PPIL6: variants seen among roughly 807,000 people sequenced by gnomAD.
The protein encoded by PPIL6 is peptidylprolyl isomerase like 6.
In PPIL6, 39 loss-of-function variants were observed where a neutral mutation model predicts 36.8. The observed-to-expected ratio is 1.06, with a 90% CI of 0.82 to 1.38. The LOEUF (loss-of-function observed/expected upper bound fraction) is 1.38, where lower values mean the gene tolerates loss of function less well. Among genes scored for constraint, PPIL6 ranks in the 40% most tolerant of loss-of-function variants. PPIL6 has a pLI of 0.00. For synonymous variants in PPIL6, 123 were observed against 134.1 expected (o/e 0.92, Z 0.57); for missense variants, 368 against 379.1 (o/e 0.97, Z 0.24).
At position 109,392,783 on chromosome 6, in the gene PPIL6, G is replaced by C; in HGVS notation, c.*43C>G. 8.7e-7 allele frequency: 1 copy of C among 1,143,260 alleles called. No individual in the cohort carries two copies. The highest frequency in any genetic ancestry group is 1.3e-6 in the Non-Finnish European group (1 of 777,936). The allele number at this position is 1,143,260 out of a possible 1,614,324, so 70.8% of individuals were successfully genotyped here. The stretch of plus-strand genomic sequence containing the variant: ...AATTAAATCCACAAACAGCTGATCA[G>C]ATACAAAGTAATAAATTATCACAGA... On this transcript the variant is annotated 3_prime_UTR_variant, in exon 8 of 8. Transcript: ENST00000521072.
At chr6:109,433,684 CAG>C (rs1166540743) in intron 2 of PPIL6, among the ~76,000 whole-genome samples, 1 of 152,102 alleles carries the variant, frequency 6.6e-6, no homozygotes, top group African/African-American at 2.4e-5. Context: ...CTAGTGAGTT[CAG>C]AGAGACCAAA....
At chr6:109,398,865 G>A (rs1222788647) in intron 7 of PPIL6, among the ~76,000 whole-genome samples, 1 of 152,154 alleles carries the variant, frequency 6.6e-6, no homozygotes, top group Non-Finnish European at 1.5e-5. Flanking sequence ...CTGAAGATTT[G>A]ATAGATGGAT....
At chr6:109,434,576 T>G (rs1774343424) in intron 2 of PPIL6, among the ~76,000 whole-genome samples, 1 of 152,210 alleles carries the variant, frequency 6.6e-6, no homozygotes, top group Non-Finnish European at 1.5e-5. Context: ...TATTCAGTCT[T>G]GCACCATTCA....
chr6:109,420,040 T>C (rs1773459235), intron 5 of PPIL6, among the ~76,000 whole-genome samples: 1 of 151,796 alleles, frequency 6.6e-6, no homozygotes, highest in South Asian at 2.1e-4. Context: ...TTTTAGAATA[T>C]GTATAAAAAA....
rs561122557 is a variant in PPIL6 at position 109,420,044 on chromosome 6, T to TA, written c.632-802dup. On this transcript the variant is annotated intron_variant, in intron 5 of 7. Coordinates refer to ENST00000521072, the MANE Select transcript of PPIL6 (RefSeq NM_173672.5). ...AAGTAAGTTATTTTTAGAATATGTA[T>TA]AAAAAATAGAGCCAGGCGCGGTGAC... 2.7e-3 allele frequency among the ~76,000 whole-genome samples: 409 copies of TA among 151,812 alleles called. 1 individual carries two copies. The highest frequency in any genetic ancestry group is 9.5e-3 in the African/African-American group (393 of 41,438).
chr6:109,414,477 C>CTTT (rs146541023), intron 6 of PPIL6, among the ~76,000 whole-genome samples: 160 of 86,536 alleles, frequency 1.8e-3, no homozygotes, highest in Non-Finnish European at 2.5e-3. Context: ...TGTCTTTTAG[C>CTTT]TTTTTTTTTT....
intron 2 of PPIL6, among the ~76,000 whole-genome samples, chr6:109,433,337 G>A (rs936203551): frequency 6.6e-6 from 1 of 152,226 alleles, no homozygotes; most frequent in Non-Finnish European, 1.5e-5. Context: ...GATTACAGGC[G>A]TGAGCCACCA....
rs1774780479 is a variant in PPIL6 at position 109,440,488 on chromosome 6, G to C, written c.103C>G (p.Pro35Ala). ...GCGCTCTTCGCAATCTGAAAGTTGG[G>C]GCAGCTGAAGAGCCCCACCACCTTC... ...QVKVVGLFSC[P>A]NFQIAKSAAE... Residue 35 changes from proline to alanine, a missense_variant, in exon 1 of 8, where the codon CCC becomes GCC. Transcript: ENST00000521072. 6.5e-7 allele frequency: 1 copy of C among 1,539,370 alleles called. No homozygotes were observed. The highest frequency in any genetic ancestry group is 8.8e-7 in the Non-Finnish European group (1 of 1,142,296).
chr6:109,416,369 A>C (rs566006675), intron 6 of PPIL6, among the ~76,000 whole-genome samples: 1 of 151,894 alleles, frequency 6.6e-6, no homozygotes, highest in Admixed American at 6.5e-5. Flanking sequence ...CTCCCAGCTA[A>C]ATTTTATATT....
Position 109,424,488 on chromosome 6 carries a change from A to T in PPIL6, c.631+2359T>A, listed in dbSNP as rs151270815. On this transcript the variant is annotated intron_variant, in intron 5 of 7. Transcript: ENST00000521072. ...TAAGGCACAGCACAAAACCACGTTTAGCTCCTGTCCTCCAAAATTCTACAT... is the reference window on the plus strand; with the variant it reads ...TAAGGCACAGCACAAAACCACGTTTTGCTCCTGTCCTCCAAAATTCTACAT... Among the ~76,000 whole-genome samples the T allele has an allele frequency of 1.5e-4, 23 of 152,336 alleles. No individual in the cohort carries two copies. The East Asian group carries it at 1.5e-3, about 10-fold the overall frequency.
intron 5 of PPIL6, among the ~76,000 whole-genome samples, chr6:109,421,561 C>A (rs1027591870): frequency 2.0e-5 from 3 of 151,606 alleles, no homozygotes; most frequent in Admixed American, 6.5e-5. Flanking sequence ...TCATTATCAT[C>A]ATCTTCATCA....
At chr6:109,440,417 G>T (rs770952540) in intron 1 of PPIL6, 39 bp downstream of exon 1, 3 of 1,532,160 alleles carry the variant, frequency 2.0e-6, no homozygotes, top group Middle Eastern at 1.7e-4. Context: ...AGCGGGTAGC[G>T]GGGAGGGCCG....
At chr6:109,416,867 A>ACAAAAAAG (rs957776635) in intron 6 of PPIL6, among the ~76,000 whole-genome samples, 15 of 152,168 alleles carry the variant, frequency 9.9e-5, no homozygotes, top group Non-Finnish European at 1.3e-4. Flanking sequence ...TCAATACAAG[A>ACAAAAAAG]CAAAAAAGGT....
intron 7 of PPIL6, among the ~76,000 whole-genome samples, chr6:109,396,697 C>G (rs1336951837): frequency 6.6e-6 from 1 of 152,036 alleles, no homozygotes; most frequent in Non-Finnish European, 1.5e-5. Flanking sequence ...CCCCAAACCC[C>G]TTCTACAATG....
intron 5 of PPIL6, among the ~76,000 whole-genome samples, 173 bp from the exon 6 acceptor site, chr6:109,419,416 AT>A (rs893043271): frequency 1.3e-5 from 2 of 150,846 alleles, no homozygotes; most frequent in African/African-American, 2.5e-5. Context: ...CTCCATCTCG[AT>A]TAAAAAAAAA....
chr6:109,409,433 A>G (rs1025143681), intron 6 of PPIL6, among the ~76,000 whole-genome samples: 2 of 152,072 alleles, frequency 1.3e-5, no homozygotes, highest in Admixed American at 6.5e-5. Context: ...GCAGGGCGGC[A>G]GGTGCCTGTA....
chr6:109,421,703 T>C (rs1773547409), intron 5 of PPIL6, among the ~76,000 whole-genome samples: 1 of 152,172 alleles, frequency 6.6e-6, no homozygotes, highest in South Asian at 2.1e-4. Context: ...TCTAGTTCTA[T>C]TTGATAACAT....
rs1273416813 is a variant in PPIL6 at position 109,400,035 on chromosome 6, C to T, written c.824G>A (p.Gly275Glu). The change falls in exon 7 of 8, where the codon GGG becomes GAG. Residue 275 changes from glycine (G) to glutamate (E), a missense_variant and splice_region_variant. Gly to Glu is a moderately conservative substitution (Grantham distance 98). Coordinates refer to ENST00000521072, the MANE Select transcript of PPIL6 (RefSeq NM_173672.5). ...PYLDRKFVAF[G>E]QLIEGTEVLK... ...ATAAATAGATCTACAATATACATAC[C>T]CAAAAGCCACAAATTTTCTATCTAG... 6.2e-7 allele frequency: 1 copy of T among 1,608,880 alleles called. No individual in the cohort carries two copies. The highest frequency in any genetic ancestry group is 8.5e-7 in the Non-Finnish European group (1 of 1,176,598).
rs1360967139 is a variant in PPIL6 at position 109,413,855 on chromosome 6, C to G, written c.688+5332G>C. Among the ~76,000 whole-genome samples, 1 of 151,996 alleles carries G rather than the reference C, an allele frequency of 6.6e-6. No individual in the cohort carries two copies. The highest frequency in any genetic ancestry group is 2.1e-4 in the South Asian group (1 of 4,830). ...AGGTCATTATGCTAAGTGAAATAAG[C>G]CAGGCACAGAAAGACAAACATAACA... On this transcript the variant is annotated intron_variant, in intron 6 of 7. Transcript: ENST00000521072. The surrounding 1 kb of genome is among the most constrained non-coding windows in gnomAD (Gnocchi z 4.6).
Sources: allele counts gnomAD v4.1 joint callset (sites outside exome capture counted in the v4.1 genomes callset), GRCh38; gene constraint gnomAD v4.1.1; non-coding constraint Gnocchi (gnomAD v3.1); transcripts MANE v1.5; gene names NCBI Gene and HGNC (gene_info 2026-07-23, HGNC 2026-07-21).